The following SLC22A2 variants were observed in gnomAD, a reference collection of about 807,000 sequenced individuals.
SLC22A2 encodes organic cation transporter 2.
SLC22A2 carries 46 observed loss-of-function variants against 60.5 expected under a neutral mutation model. The observed-to-expected ratio is 0.76, with a 90% CI of 0.60 to 0.97. The LOEUF (loss-of-function observed/expected upper bound fraction) is 0.97. SLC22A2 is among the 50% of genes least tolerant of loss of function. The pLI is 0.00. For synonymous variants in SLC22A2, 303 were observed against 267.0 expected, an observed-to-expected ratio of 1.13 and a Z score of -1.31; for missense variants, 701 against 706.6, an observed-to-expected ratio of 0.99 and a Z score of 0.09.
chr6:160,220,459 A>C (rs2114847963), intron 10 of SLC22A2, among the ~76,000 whole-genome samples: 1 of 152,080 alleles, frequency 6.6e-6, no homozygotes, highest in East Asian at 1.9e-4. Context: ...CTTCTTCAAA[A>C]CTCCCATTAA....
intron 1 of SLC22A2, among the ~76,000 whole-genome samples, chr6:160,257,211 T>G (rs1253500373): frequency 6.6e-6 from 1 of 152,240 alleles, no homozygotes; most frequent in East Asian, 1.9e-4. Context: ...TCAATGCACA[T>G]GCAGATAGGT....
chr6:160,241,875 TTTTA>T (rs1212463242), intron 8 of SLC22A2, among the ~76,000 whole-genome samples: 6 of 42,048 alleles, frequency 1.4e-4, no homozygotes, highest in East Asian at 1.9e-3. Context: ...ATGCACAATA[TTTTA>T]TATATATATA....
Position 160,247,169 on chromosome 6 carries a change from A to T in SLC22A2, c.957+15T>A. 7.1e-7 allele frequency: 1 copy of T among 1,406,972 alleles called. No homozygotes were observed. The highest frequency in any genetic ancestry group is 1.0e-6 in the Non-Finnish European group (1 of 991,294). The allele number at this position is 1,406,972 out of a possible 1,614,324, so 87.2% of individuals were successfully genotyped here. On this transcript the variant is annotated intron_variant, in intron 5 of 10. Coordinates refer to ENST00000366953, the MANE Select transcript of SLC22A2 (RefSeq NM_003058.4). ...TTCTCCATCCCCTGATTTGATACTT[A>T]AGGCCCTGGCTCACCTGAAGGGAGG...
At chr6:160,254,282 A>G (rs1447776299) in intron 2 of SLC22A2, among the ~76,000 whole-genome samples, 2 of 152,144 alleles carry the variant, frequency 1.3e-5, no homozygotes, top group African/African-American at 4.8e-5. Flanking sequence ...TGTCTCAAAA[A>G]ATAAAAAAAA....
At chr6:160,218,376 C>T (rs1212682145) in intron 10 of SLC22A2, 1 of 218,646 alleles carries the variant, frequency 4.6e-6, no homozygotes. Context: ...AAAGCAAGAA[C>T]AGCAGCAACA....
At position 160,225,843 on chromosome 6, in the gene SLC22A2, C is replaced by T. The variant is rs113292981; in HGVS notation, c.1502-1039G>A. Among the ~76,000 whole-genome samples the T allele has an allele frequency of 1.8e-3, 280 of 152,292 alleles. 2 individuals carry two copies. Among genetic ancestry groups the T allele is most frequent in the African/African-American group, 5.5e-3 (228 of 41,566 alleles). Reference sequence around the variant, plus strand: ...GACAGTGAAAGAGATCTAACTTAATCGACTTCATCTTGCTTCTAACCTCCA... The same window carrying T: ...GACAGTGAAAGAGATCTAACTTAATTGACTTCATCTTGCTTCTAACCTCCA... On this transcript the variant is annotated intron_variant, in intron 9 of 10. Transcript: ENST00000366953.
At chr6:160,236,532 A>T (rs1782914494) in intron 9 of SLC22A2, among the ~76,000 whole-genome samples, 1 of 152,238 alleles carries the variant, frequency 6.6e-6, no homozygotes, top group Non-Finnish European at 1.5e-5. Flanking sequence ...ATGGCAATAT[A>T]GTTATTTGCA....
At chr6:160,232,302 A>C (rs1562432696) in intron 9 of SLC22A2, among the ~76,000 whole-genome samples, 1 of 151,838 alleles carries the variant, frequency 6.6e-6, no homozygotes, top group Non-Finnish European at 1.5e-5. Context: ...TTGGTTTATC[A>C]ATGGCAGTTC....
At chr6:160,239,139 T>G (rs999941829) in intron 9 of SLC22A2, among the ~76,000 whole-genome samples, 1 of 152,138 alleles carries the variant, frequency 6.6e-6, no homozygotes, top group African/African-American at 2.4e-5. Context: ...ATACACTAAT[T>G]ATAATGCATT....
intron 9 of SLC22A2, among the ~76,000 whole-genome samples, chr6:160,235,068 A>G (rs1782889340): frequency 6.6e-6 from 1 of 152,190 alleles, no homozygotes; most frequent in African/African-American, 2.4e-5. Flanking sequence ...AACAGCCTGG[A>G]ACTCCTTGGG....
intron 5 of SLC22A2, among the ~76,000 whole-genome samples, chr6:160,245,748 G>A (rs1783084380): frequency 8.3e-6 from 1 of 121,028 alleles, no homozygotes; most frequent in African/African-American, 3.2e-5. Flanking sequence ...ACCCAGGCTT[G>A]AGTGCAGTGG....
At chr6:160,245,766 TC>T (rs1216400399) in intron 5 of SLC22A2, among the ~76,000 whole-genome samples, 1 of 144,398 alleles carries the variant, frequency 6.9e-6, no homozygotes, top group Non-Finnish European at 1.5e-5. Flanking sequence ...TGGTGCAATC[TC>T]GGCTCACTGC....
intron 5 of SLC22A2, among the ~76,000 whole-genome samples, chr6:160,246,829 T>C (rs945839817): frequency 2.0e-4 from 30 of 152,250 alleles, no homozygotes; most frequent in African/African-American, 7.2e-4. Flanking sequence ...ACTGCTTTAC[T>C]GATCTAAGAA....
chr6:160,251,371 C>T (rs1425244193), intron 2 of SLC22A2, among the ~76,000 whole-genome samples: 1 of 152,146 alleles, frequency 6.6e-6, no homozygotes, highest in African/African-American at 2.4e-5. Flanking sequence ...TTCATCATGA[C>T]CTTCCTACTT....
intron 9 of SLC22A2, among the ~76,000 whole-genome samples, chr6:160,232,286 T>C (rs1782837305): frequency 6.6e-6 from 1 of 151,848 alleles, no homozygotes; most frequent in South Asian, 2.1e-4. Context: ...CTCACCCTGA[T>C]CACACTTGGT....
In SLC22A2 at chr6:160,250,651, A is replaced by G; in HGVS notation, c.570T>C (p.Ala190=). The change falls in exon 3 of 11, where the codon GCT becomes GCC. Residue 190 remains alanine (A), a synonymous_variant. Transcript: ENST00000366953. The part of the protein sequence containing the change: ...LLTTVLINAA[A]GVLMAISPTY... ...TTGGGGAAATGGCCATGAGAACTCC[A>G]GCTGCAGCATTTATGAGGACTGTAG... 6.2e-7 allele frequency: 1 copy of G among 1,614,140 alleles called. No individual in the cohort carries two copies.
chr6:160,242,835 ACCT>A (rs1783032734), intron 7 of SLC22A2, among the ~76,000 whole-genome samples: 1 of 152,056 alleles, frequency 6.6e-6, no homozygotes, highest in East Asian at 1.9e-4. Context: ...TTGGTGGTAC[ACCT>A]CCTGTGGGTT....
chr6:160,233,976 C>T (rs1782869870), intron 9 of SLC22A2, among the ~76,000 whole-genome samples: 1 of 152,102 alleles, frequency 6.6e-6, no homozygotes, highest in African/African-American at 2.4e-5. Flanking sequence ...GTGACCTGCA[C>T]GTATACATCC....
At chr6:160,224,870 C>A in intron 9 of SLC22A2, 66 bp from the exon 10 acceptor site, 1 of 947,470 alleles carries the variant, frequency 1.1e-6, no homozygotes, top group Admixed American at 3.1e-5. Context: ...ATTAGAGTTT[C>A]CCTTATTTTT....
Sources: gnomAD v4.1 joint callset for allele counts (sites outside exome capture counted in the v4.1 genomes callset) on GRCh38, gnomAD v4.1.1 for gene constraint, MANE v1.5 for transcripts, NCBI Gene and HGNC (gene_info 2026-07-23, HGNC 2026-07-21) for gene names.